The following CSMD1 variants were observed in gnomAD, a reference collection of about 807,000 sequenced individuals.
The protein encoded by CSMD1 is CUB and sushi domain-containing protein 1.
Under a neutral mutation model 417.5 loss-of-function variants are expected in CSMD1, and 213 were observed. The observed-to-expected ratio is 0.51, with a 90% confidence interval of 0.46 to 0.57. The LOEUF (loss-of-function observed/expected upper bound fraction) is 0.57, where lower values mean the gene tolerates loss of function less well. Ranked by LOEUF, CSMD1 falls within the 20% of genes least tolerant of loss-of-function variation. The probability of loss-of-function intolerance (pLI) is 0.00; values close to 1 mark genes in which losing one functional copy is unlikely to be tolerated. For missense variants in CSMD1, 6,923 were observed against 4,529.7 expected, an observed-to-expected ratio of 1.53 and a Z score of -15.17; for synonymous variants, 2,862 against 1,736.8, an observed-to-expected ratio of 1.65 and a Z score of -16.11.
chr8:4,476,799 G>C (rs921229652), intron 2 of CSMD1, among the ~76,000 whole-genome samples: 1 of 152,282 alleles, frequency 6.6e-6, no homozygotes, highest in South Asian at 2.1e-4. Context: ...GACACATGAA[G>C]TCCTCCATCA....
chr8:4,409,615 T>C (rs1274654688), intron 3 of CSMD1, among the ~76,000 whole-genome samples: 1 of 150,478 alleles, frequency 6.6e-6, no homozygotes, highest in Non-Finnish European at 1.5e-5. Context: ...TAGAAGAGTA[T>C]AGATTCATCA....
At chr8:3,061,020 C>A (rs1812557241) in intron 49 of CSMD1, among the ~76,000 whole-genome samples, 2 of 152,194 alleles carry the variant, frequency 1.3e-5, no homozygotes, top group South Asian at 4.1e-4. Context: ...TGTGTAGGAA[C>A]TAAAGATTTG....
intron 41 of CSMD1, among the ~76,000 whole-genome samples, chr8:3,121,698 C>T (rs1817216568): frequency 6.6e-6 from 1 of 152,102 alleles, no homozygotes; most frequent in Non-Finnish European, 1.5e-5. Context: ...ACTAGGGAGG[C>T]TGGGGCAGGA....
intron 1 of CSMD1, among the ~76,000 whole-genome samples, chr8:4,925,493 T>G (rs866156539): frequency 1.3e-5 from 2 of 152,086 alleles, no homozygotes; most frequent in African/African-American, 4.8e-5. Flanking sequence ...ATTTCTAGTC[T>G]TGTGTTCCTT....
chr8:4,422,121 A>G (rs1797283073), intron 2 of CSMD1, among the ~76,000 whole-genome samples: 1 of 152,244 alleles, frequency 6.6e-6, no homozygotes, highest in South Asian at 2.1e-4. Flanking sequence ...GAATTATCCT[A>G]TAGCTATTAA....
chr8:4,633,283 G>A (rs967382656), intron 2 of CSMD1, among the ~76,000 whole-genome samples: 6 of 152,004 alleles, frequency 3.9e-5, no homozygotes, highest in Non-Finnish European at 5.9e-5. Context: ...GTTTCAGTCT[G>A]TCCCCCAGGC....
At chr8:3,196,402 T>C (rs9785181) in intron 33 of CSMD1, among the ~76,000 whole-genome samples, 99,786 of 151,924 alleles carry the variant, frequency 0.66, 34,123 homozygotes, top group Non-Finnish European at 0.76. Context: ...AGCCATTCTT[T>C]ATTCCTTAAC....
intron 2 of CSMD1, among the ~76,000 whole-genome samples, chr8:4,564,009 C>T (rs566547129): frequency 1.1e-3 from 162 of 152,252 alleles, no homozygotes; most frequent in African/African-American, 3.4e-3. Flanking sequence ...TGAGGAGTTA[C>T]GCCCATGGAG....
rs1277228062 is a variant in CSMD1 at position 4,391,435 on chromosome 8, G to A, written c.415+28518C>T. Among the ~76,000 whole-genome samples, 3 of 152,044 alleles carry A rather than the reference G, an allele frequency of 2.0e-5. No individual in the cohort carries two copies. The South Asian group carries it at 6.2e-4, about 32-fold the overall frequency. ...TTCAGAGCCTTAGTGATTGAGAGAA[G>A]GAACATAAACAGCTAATTATCAGAG... is the stretch of plus-strand genomic sequence containing the variant. On this transcript the variant is annotated intron_variant, in intron 3 of 69. Coordinates refer to ENST00000635120, the MANE Select transcript of CSMD1 (RefSeq NM_033225.6).
At chr8:3,424,045 A>G (rs1437275843) in intron 12 of CSMD1, among the ~76,000 whole-genome samples, 1 of 152,080 alleles carries the variant, frequency 6.6e-6, no homozygotes, top group East Asian at 1.9e-4. Flanking sequence ...AAAAAAATTT[A>G]CCTCCTTTTA....
At chr8:3,137,254 G>A (rs779847121) in intron 41 of CSMD1, among the ~76,000 whole-genome samples, 5 of 152,128 alleles carry the variant, frequency 3.3e-5, no homozygotes, top group Non-Finnish European at 5.9e-5. Flanking sequence ...AGCAATATCC[G>A]CAATGCGTAG....
At chr8:3,062,541 A>G (rs938672530) in intron 49 of CSMD1, among the ~76,000 whole-genome samples, 5 of 146,546 alleles carry the variant, frequency 3.4e-5, no homozygotes, top group African/African-American at 1.3e-4. Flanking sequence ...AAAAACAACA[A>G]CAAAACAAAA....
intron 5 of CSMD1, among the ~76,000 whole-genome samples, chr8:3,803,424 G>T (rs1047081720): frequency 4.6e-5 from 7 of 152,136 alleles, no homozygotes; most frequent in Admixed American, 2.6e-4. Flanking sequence ...TAGAGCTTGT[G>T]GTCAAGGAGA....
intron 2 of CSMD1, among the ~76,000 whole-genome samples, chr8:4,473,335 G>C (rs964664413): frequency 8.5e-5 from 13 of 152,316 alleles, no homozygotes; most frequent in African/African-American, 2.6e-4. Context: ...AATCAGCAGA[G>C]ACAACCTGAT....
intron 7 of CSMD1, among the ~76,000 whole-genome samples, chr8:3,683,813 CA>C (rs1799792956): frequency 6.6e-6 from 1 of 152,022 alleles, no homozygotes; most frequent in South Asian, 2.1e-4. Context: ...TTGATAAAAC[CA>C]ATGTTTGCGT....
intron 2 of CSMD1, among the ~76,000 whole-genome samples, chr8:4,445,120 A>G (rs1283727002): frequency 1.3e-5 from 2 of 152,256 alleles, no homozygotes; most frequent in African/African-American, 4.8e-5. Flanking sequence ...GTATGACTGG[A>G]TAGTAGATAC....
intron 2 of CSMD1, among the ~76,000 whole-genome samples, chr8:4,535,885 C>G (rs749343968): frequency 3.9e-5 from 6 of 152,088 alleles, no homozygotes; most frequent in Non-Finnish European, 8.8e-5. Context: ...GCTTTTACTT[C>G]TTTACTTTTA....
chr8:4,162,642 T>C (rs1797237989), intron 3 of CSMD1, among the ~76,000 whole-genome samples: 1 of 152,186 alleles, frequency 6.6e-6, no homozygotes, highest in Non-Finnish European at 1.5e-5. Context: ...GAAGGTACAC[T>C]GATATGTCAT....
intron 23 of CSMD1, among the ~76,000 whole-genome samples, chr8:3,315,535 C>T (rs1026953773): frequency 4.9e-4 from 75 of 151,920 alleles, no homozygotes; most frequent in African/African-American, 1.7e-3. Context: ...ATTGAGTCCT[C>T]TTGTTAGCTA....
Sources: gnomAD v4.1 joint callset for allele counts (sites outside exome capture counted in the v4.1 genomes callset) on GRCh38, gnomAD v4.1.1 for gene constraint, MANE v1.5 for transcripts, NCBI Gene and HGNC (gene_info 2026-07-23, HGNC 2026-07-21) for gene names.